PALM2AKAP2: variants seen among roughly 807,000 people sequenced by gnomAD.
PALM2AKAP2 encodes PALM2-AKAP2 fusion protein.
Under a neutral mutation model 71.5 loss-of-function variants are expected in PALM2AKAP2, and 37 were observed. That is an observed-to-expected ratio of 0.52 (90% CI 0.40 to 0.68). The LOEUF (loss-of-function observed/expected upper bound fraction) is 0.68, where lower values mean the gene tolerates loss of function less well. Among genes scored for constraint, PALM2AKAP2 ranks in the 30% least tolerant of loss-of-function variants. The probability of loss-of-function intolerance (pLI) is 0.00; values close to 1 mark genes in which losing one functional copy is unlikely to be tolerated. For missense variants in PALM2AKAP2, 1,224 were observed against 1,191.8 expected, an observed-to-expected ratio of 1.03 and a Z score of -0.40; for synonymous variants, 468 against 478.8, an observed-to-expected ratio of 0.98 and a Z score of 0.29.
chr9:110,085,403 A>G (rs1834546767), intron 1 of PALM2AKAP2, among the ~76,000 whole-genome samples: 5 of 152,364 alleles, frequency 3.3e-5, no homozygotes, highest in Admixed American at 3.3e-4. Context: ...TCTAGCAGTC[A>G]ACTAAGCAAG....
rs376250463 is a variant in PALM2AKAP2 at position 110,137,769 on chromosome 9, A to G, written c.1799A>G (p.Asn600Ser). The G allele has an allele frequency of 5.3e-5, 85 of 1,614,182 alleles. No homozygotes were observed. Among genetic ancestry groups the G allele is most frequent in the African/African-American group, 4.1e-4 (31 of 75,048 alleles). Residue 600 changes from asparagine (N) to serine (S), a missense_variant, in exon 2 of 4, where the codon AAT (asparagine) becomes AGT (serine). Asn to Ser is a conservative substitution (Grantham distance 46). Transcript: ENST00000374525. ...AGCGGGGCATCCAATGAGACAACCA[A>G]TGCCCTCCAGGAAAATTCACTGGCT...
In PALM2AKAP2 at chr9:110,136,425, A is replaced by G. The variant is rs765223801; in HGVS notation, c.455A>G (p.Asn152Ser). Residue 152 changes from asparagine to serine, a missense_variant, in exon 2 of 4, where the codon AAC (asparagine) becomes AGC (serine). Physicochemically the swap from Asn to Ser is conservative, Grantham distance 46. Coordinates refer to ENST00000374525, the Ensembl canonical transcript of PALM2AKAP2. ...TATCTAGATGAGGTGCTAGAGGCCA[A>G]CTGCTGTGATTCTGCTGTGGATGGA... 6.2e-6 allele frequency: 10 copies of G among 1,614,040 alleles called. No individual in the cohort carries two copies. In the East Asian group the frequency reaches 2.2e-4, roughly 36 times the overall value.
upstream of PALM2AKAP2, chr9:109,780,404 C>T (rs987956616): frequency 4.8e-5 from 77 of 1,610,648 alleles, no homozygotes; most frequent in Non-Finnish European, 6.2e-5. Context: ...AGCAAAGCCC[C>T]CCGGGGTGCC....
intron 1 of PALM2AKAP2, among the ~76,000 whole-genome samples, chr9:109,764,557 C>T (rs1012746571): frequency 7.2e-5 from 11 of 152,222 alleles, no homozygotes; most frequent in African/African-American, 2.4e-4. Flanking sequence ...CTTATCCTTA[C>T]TGATTCTTGA....
rs139477216 is a variant in PALM2AKAP2 at position 110,082,603 on chromosome 9, G to C, written c.156+33748G>C. ...TACAAAAGACTTCTGCATAAAGATA[G>C]TGGATTGAACACAGGCATCTACTTG... On this transcript the variant is annotated intron_variant, in intron 1 of 3. Transcript: ENST00000374525. Among the ~76,000 whole-genome samples, 228 of 152,356 alleles carry C rather than the reference G, an allele frequency of 1.5e-3. 1 individual carries two copies. The highest frequency in any genetic ancestry group is 5.2e-3 in the African/African-American group (217 of 41,572).
At chr9:109,715,127 A>G (rs1828297543) in intron 1 of PALM2AKAP2, among the ~76,000 whole-genome samples, 1 of 152,324 alleles carries the variant, frequency 6.6e-6, no homozygotes. Flanking sequence ...AACAGGCATA[A>G]TAATAGCTGT....
chr9:109,949,604 G>A (rs1190604125), intron 6 of PALM2AKAP2, among the ~76,000 whole-genome samples: 3 of 152,262 alleles, frequency 2.0e-5, no homozygotes, highest in Admixed American at 6.5e-5. Context: ...TATAGCACTA[G>A]GCCAAGCCTT....
At chr9:109,704,349 C>T (rs184430153) in intron 1 of PALM2AKAP2, among the ~76,000 whole-genome samples, 123 of 152,190 alleles carry the variant, frequency 8.1e-4, no homozygotes, top group Middle Eastern at 3.4e-3. Context: ...TCCCTATGCA[C>T]GATGTGTAAA....
intron 1 of PALM2AKAP2, among the ~76,000 whole-genome samples, chr9:109,692,954 CTTCT>C (rs1169041632): frequency 6.6e-6 from 1 of 151,054 alleles, no homozygotes; most frequent in African/African-American, 2.4e-5. Context: ...CTTTCTTTTT[CTTCT>C]TTCTTTTGCT....
At chr9:109,722,419 C>T (rs560854520) in intron 1 of PALM2AKAP2, among the ~76,000 whole-genome samples, 1 of 152,240 alleles carries the variant, frequency 6.6e-6, no homozygotes, top group South Asian at 2.1e-4. Context: ...GGGAACTTTT[C>T]ACTATAATAT....
intron 6 of PALM2AKAP2, among the ~76,000 whole-genome samples, chr9:109,941,926 G>C (rs536840973): frequency 4.6e-5 from 7 of 152,246 alleles, no homozygotes; most frequent in African/African-American, 1.7e-4. Flanking sequence ...AGATGGGAAA[G>C]GTATTAATGG....
At chr9:109,862,826 C>T (rs1319789874) in intron 1 of PALM2AKAP2, 3 of 477,034 alleles carry the variant, frequency 6.3e-6, no homozygotes, top group Admixed American at 4.5e-5. Flanking sequence ...TCAAATGAAG[C>T]AGCAGTGCAC....
chr9:109,694,224 G>A (rs1340778978), intron 1 of PALM2AKAP2, among the ~76,000 whole-genome samples: 1 of 152,000 alleles, frequency 6.6e-6, no homozygotes. Flanking sequence ...GGGCTCAGAT[G>A]AGTACTTTAA....
intron 2 of PALM2AKAP2, among the ~76,000 whole-genome samples, chr9:109,868,913 G>A (rs989250564): frequency 6.6e-6 from 1 of 152,188 alleles, no homozygotes; most frequent in African/African-American, 2.4e-5. Flanking sequence ...CTCACAGAGA[G>A]GGGGCCTTAA....
intron 3 of PALM2AKAP2, among the ~76,000 whole-genome samples, chr9:109,900,697 C>A (rs180870892): frequency 5.1e-4 from 78 of 152,332 alleles, no homozygotes; most frequent in Middle Eastern, 3.4e-3. Flanking sequence ...TAATGGGAGG[C>A]AAGCCTTTAG....
chr9:109,784,182 T>C (rs1220540406), intron 1 of PALM2AKAP2, among the ~76,000 whole-genome samples: 1 of 152,198 alleles, frequency 6.6e-6, no homozygotes, highest in Non-Finnish European at 1.5e-5. Flanking sequence ...ACAATTGCCA[T>C]TTATTGAATA....
chr9:110,035,808 G>T (rs260199), intron 7 of PALM2AKAP2, among the ~76,000 whole-genome samples: 1 of 118,708 alleles, frequency 8.4e-6, no homozygotes, highest in African/African-American at 3.2e-5. Flanking sequence ...TGTGTTATAT[G>T]TAACATATAT....
At chr9:109,936,734 T>G (rs1358255898) in intron 6 of PALM2AKAP2, among the ~76,000 whole-genome samples, 1 of 152,204 alleles carries the variant, frequency 6.6e-6, no homozygotes, top group African/African-American at 2.4e-5. Flanking sequence ...TGGATAACTT[T>G]CATTGTACAA....
chr9:110,067,203 A>G (rs927310255), intron 1 of PALM2AKAP2, among the ~76,000 whole-genome samples: 11 of 152,196 alleles, frequency 7.2e-5, no homozygotes, highest in African/African-American at 2.2e-4. Context: ...GAACAGTGCT[A>G]TCATGGCTGA....
Sources: gnomAD v4.1 joint callset for allele counts (sites outside exome capture counted in the v4.1 genomes callset) on GRCh38, gnomAD v4.1.1 for gene constraint, MANE v1.5 for transcripts, NCBI Gene and HGNC (gene_info 2026-07-23, HGNC 2026-07-21) for gene names.